The following SLC4A4 variants were observed in gnomAD, a reference collection of about 807,000 sequenced individuals.
The protein encoded by SLC4A4 is electrogenic sodium bicarbonate cotransporter 1.
In SLC4A4, 27 loss-of-function variants were observed where a neutral mutation model predicts 111.5. That is an observed-to-expected ratio of 0.24 (90% CI 0.18 to 0.33). The LOEUF (loss-of-function observed/expected upper bound fraction) is 0.33. Among genes scored for constraint, SLC4A4 ranks in the 10% least tolerant of loss-of-function variants. The probability of loss-of-function intolerance (pLI) is 1.00; values close to 1 mark genes in which losing one functional copy is unlikely to be tolerated. For synonymous variants in SLC4A4, 443 were observed against 463.4 expected (o/e 0.96, Z 0.57); for missense variants, 909 against 1,315.5 (o/e 0.69, Z 4.78).
intron 2 of SLC4A4, among the ~76,000 whole-genome samples, chr4:71,237,542 G>C (rs188694382): frequency 6.6e-6 from 1 of 152,064 alleles, no homozygotes; most frequent in Non-Finnish European, 1.5e-5. Flanking sequence ...TGACCTGACC[G>C]GTGCCATGTG....
intron 13 of SLC4A4, 56 bp from the exon 14 acceptor site, chr4:71,472,640 ATAT>A (rs1727990307): frequency 1.9e-6 from 3 of 1,540,862 alleles, no homozygotes; most frequent in Non-Finnish European, 2.7e-6. Context: ...TGGTAGTTTT[ATAT>A]TATTCTTTGT....
intron 3 of SLC4A4, among the ~76,000 whole-genome samples, chr4:71,267,258 A>G (rs1175421215): frequency 1.3e-5 from 2 of 152,150 alleles, no homozygotes; most frequent in African/African-American, 4.8e-5. Flanking sequence ...GTGAGATTTG[A>G]TAAAAGGTAG....
At chr4:71,420,341 A>C (rs1722319902) in intron 7 of SLC4A4, among the ~76,000 whole-genome samples, 1 of 152,216 alleles carries the variant, frequency 6.6e-6, no homozygotes, top group Non-Finnish European at 1.5e-5. Context: ...CTATGTGAAA[A>C]GACCAAATCT....
intron 2 of SLC4A4, among the ~76,000 whole-genome samples, chr4:71,143,132 T>A (rs534921374): frequency 6.6e-6 from 1 of 152,002 alleles, no homozygotes. Context: ...CGGTGTGTGA[T>A]GTTCCCCTTC....
At chr4:71,198,068 A>G (rs1746086154) in intron 1 of SLC4A4, among the ~76,000 whole-genome samples, 1 of 152,238 alleles carries the variant, frequency 6.6e-6, no homozygotes, top group Non-Finnish European at 1.5e-5. Context: ...AATAGAATGC[A>G]AATAAAAGTG....
intron 1 of SLC4A4, among the ~76,000 whole-genome samples, chr4:71,067,500 A>G (rs565661261): frequency 4.6e-5 from 7 of 152,302 alleles, no homozygotes; most frequent in Non-Finnish European, 7.3e-5. Flanking sequence ...TGATGAAGCC[A>G]TAGTTCATTA....
chr4:71,422,551 C>A (rs1722642545), intron 7 of SLC4A4, among the ~76,000 whole-genome samples: 1 of 152,180 alleles, frequency 6.6e-6, no homozygotes, highest in African/African-American at 2.4e-5. Flanking sequence ...GAATTTTAGA[C>A]CAATATCCTT....
At chr4:71,305,218 A>C (rs1725587083) in intron 3 of SLC4A4, among the ~76,000 whole-genome samples, 1 of 152,224 alleles carries the variant, frequency 6.6e-6, no homozygotes, top group African/African-American at 2.4e-5. Flanking sequence ...GAATGCACAA[A>C]AATAGCACAA....
intron 7 of SLC4A4, among the ~76,000 whole-genome samples, chr4:71,425,043 T>C (rs1235911363): frequency 6.6e-6 from 1 of 152,108 alleles, no homozygotes; most frequent in African/African-American, 2.4e-5. Flanking sequence ...TAGAGAATAC[T>C]GATTCTTATC....
intron 2 of SLC4A4, among the ~76,000 whole-genome samples, chr4:71,177,749 T>C (rs1383717592): frequency 6.6e-6 from 1 of 152,190 alleles, no homozygotes; most frequent in East Asian, 1.9e-4. Flanking sequence ...AACACCCCAC[T>C]GTCAACATTA....
intron 1 of SLC4A4, among the ~76,000 whole-genome samples, chr4:71,216,308 A>G (rs1383306205): frequency 6.6e-6 from 1 of 151,950 alleles, no homozygotes. Flanking sequence ...TTCCTCTGTC[A>G]CTTCTATTTT....
intron 7 of SLC4A4, among the ~76,000 whole-genome samples, chr4:71,432,730 T>C (rs542621768): frequency 6.6e-6 from 1 of 152,092 alleles, no homozygotes; most frequent in East Asian, 1.9e-4. Context: ...GTATCAAATT[T>C]AAAAAAATCT....
intron 1 of SLC4A4, among the ~76,000 whole-genome samples, chr4:71,228,574 C>A (rs566305500): frequency 1.3e-5 from 2 of 152,310 alleles, no homozygotes; most frequent in African/African-American, 4.8e-5. Flanking sequence ...TCTAAGCTTA[C>A]ACACAAAGTG....
chr4:71,410,009 C>T (rs1314368545), intron 7 of SLC4A4, among the ~76,000 whole-genome samples: 2 of 152,118 alleles, frequency 1.3e-5, no homozygotes, highest in African/African-American at 2.4e-5. Context: ...GCACAGAAGT[C>T]AAGAATTGAG....
chr4:71,100,035 C>A (rs1742678003), intron 2 of SLC4A4, among the ~76,000 whole-genome samples: 1 of 152,172 alleles, frequency 6.6e-6, no homozygotes, highest in Non-Finnish European at 1.5e-5. Flanking sequence ...CAAAGAAGGG[C>A]TGGTATCATT....
chr4:71,545,124 C>T (rs1269710382), intron 18 of SLC4A4, among the ~76,000 whole-genome samples: 2 of 152,066 alleles, frequency 1.3e-5, no homozygotes, highest in Non-Finnish European at 2.9e-5. Flanking sequence ...TAACCTATAT[C>T]TATTCATAAT....
rs537822574 is a variant in SLC4A4, at chr4:71,544,784, T to TAA, written c.2443-1565_2443-1564insAA. 3.8e-3 allele frequency among the ~76,000 whole-genome samples: 571 copies of TAA among 152,196 alleles called. 4 individuals are homozygous for TAA. The highest frequency in any genetic ancestry group is 0.013 in the African/African-American group (549 of 41,558). ...GGTTCTGATAGTTCTCCGTAGTACTTATTACTAGGTGAGAAGCTGCATATT... is the reference window on the plus strand; with the variant it reads ...GGTTCTGATAGTTCTCCGTAGTACTTAAATTACTAGGTGAGAAGCTGCATATT... On this transcript the variant is annotated intron_variant, in intron 18 of 25. Coordinates refer to ENST00000264485, the MANE Select transcript of SLC4A4 (RefSeq NM_001098484.3).
At chr4:71,122,077 A>C (rs1743447199) in intron 2 of SLC4A4, among the ~76,000 whole-genome samples, 1 of 152,050 alleles carries the variant, frequency 6.6e-6, no homozygotes, top group Non-Finnish European at 1.5e-5. Flanking sequence ...AACACATCCA[A>C]ACATCAGAAG....
chr4:71,367,741 G>A (rs957799359), intron 6 of SLC4A4, among the ~76,000 whole-genome samples: 1 of 152,158 alleles, frequency 6.6e-6, no homozygotes, highest in African/African-American at 2.4e-5. Flanking sequence ...CCTCAAACAG[G>A]TGCTGGCACA....
Sources: allele counts gnomAD v4.1 joint callset (sites outside exome capture counted in the v4.1 genomes callset), GRCh38; gene constraint gnomAD v4.1.1; transcripts MANE v1.5; gene names NCBI Gene and HGNC (gene_info 2026-07-23, HGNC 2026-07-21).